Variants in DPF1 observed in about 807,000 individuals in gnomAD.
The protein encoded by DPF1 is double PHD fingers 1.
Under a neutral mutation model 58.7 loss-of-function variants are expected in DPF1, and 14 were observed. The ratio of observed to expected loss-of-function variants is 0.24; its 90% CI spans 0.16 to 0.37. The LOEUF is 0.37. Among genes scored for constraint, DPF1 ranks in the 10% least tolerant of loss-of-function variants. The pLI, the probability that DPF1 is intolerant of heterozygous loss-of-function variation, is 1.00. For synonymous variants in DPF1, 216 were observed against 216.0 expected (o/e 1.00, Z 0.00); for missense variants, 345 against 529.9 (o/e 0.65, Z 3.43).
At chr19:38,225,268 G>T (rs1384769147), upstream of DPF1, among the ~76,000 whole-genome samples, 1 of 134,650 alleles carries the variant, frequency 7.4e-6, no homozygotes, top group African/African-American at 3.2e-5. Context: ...TAAATAATAA[G>T]AAAGAAAGAA....
rs1252605188 is a variant in DPF1, at chr19:38,224,184, C to T, written c.-42G>A. The T allele has an allele frequency of 7.0e-7, 1 of 1,423,912 alleles. No homozygotes were observed. 88.2% of individuals were successfully genotyped at this position (1,423,912 alleles called of 1,614,324 possible). Reference sequence around the variant, plus strand: ...TGCCCCCAGCAGGTCCCCGCCGGGTCGGTCCTCCCAGCGGTCGGGCGGGCG... The same window carrying T: ...TGCCCCCAGCAGGTCCCCGCCGGGTTGGTCCTCCCAGCGGTCGGGCGGGCG... On this transcript the variant is annotated 5_prime_UTR_variant, in exon 1 of 12. Transcript: ENST00000355526. The surrounding 1 kb of genome is among the most constrained non-coding windows in gnomAD (Gnocchi z 4.5).
upstream of DPF1, chr19:38,224,363 AG>A (rs1289618079): frequency 8.7e-7 from 1 of 1,145,126 alleles, no homozygotes; most frequent in East Asian, 3.2e-5. This position sits in a 1 kb window ranked among gnomAD's most constrained non-coding sequence, Gnocchi z 4.5. Flanking sequence ...GGCGCGGAGG[AG>A]GGGCCCGGGG....
At chr19:38,213,929 TC>T in intron 9 of DPF1, 173 bp from the exon 10 acceptor site, 5 of 577,140 alleles carry the variant, frequency 8.7e-6, no homozygotes, top group South Asian at 8.6e-5. Context: ...CCGGCAGCAG[TC>T]CCCCGGCCAC....
upstream of DPF1, among the ~76,000 whole-genome samples, chr19:38,226,327 T>G (rs1016978907): frequency 1.4e-5 from 2 of 142,520 alleles, no homozygotes; most frequent in Non-Finnish European, 3.0e-5. Context: ...CGGACCCCTG[T>G]AGAGCCAGCA....
chr19:38,228,640 G>C (rs1967927894), upstream of DPF1: 1 of 152,118 alleles, frequency 6.6e-6, no homozygotes, highest in Non-Finnish European at 1.5e-5. Flanking sequence ...GCCTGGGAAC[G>C]GGGGGTGGGG....
In DPF1 at chr19:38,222,267, C is replaced by A; in HGVS notation, c.298+90G>T. 8.6e-7 allele frequency: 1 copy of A among 1,169,144 alleles called. No individual in the cohort carries two copies. Among genetic ancestry groups the A allele is most frequent in the Non-Finnish European group, 1.2e-6 (1 of 822,236 alleles). The allele number at this position is 1,169,144 out of a possible 1,614,324, so 72.4% of individuals were successfully genotyped here. ...AGACACACAGCCAGCCAGGCAGACA[C>A]TTGCTAGAAGGCGATAAAGGTGATG... On this transcript the variant is annotated intron_variant, in intron 3 of 11. Transcript: ENST00000355526. This position sits in a 1 kb window ranked among gnomAD's most constrained non-coding sequence, Gnocchi z 4.9.
In DPF1 at chr19:38,213,758, TG is replaced by T; in HGVS notation, c.899-3del. ...TGAATTGTAAACACGAGGGGTGTCC[TG>T]GGGGCCAAGGGGCAGGGGTGCAGTT... On this transcript the variant is annotated splice_polypyrimidine_tract_variant and splice_region_variant and intron_variant, in intron 9 of 11. Coordinates refer to ENST00000355526, the MANE Select transcript of DPF1 (RefSeq NM_001135155.3). The T allele has an allele frequency of 6.2e-7, 1 of 1,612,378 alleles. No homozygotes were observed. Among genetic ancestry groups the T allele is most frequent in the Non-Finnish European group, 8.5e-7 (1 of 1,179,000 alleles).
Position 38,217,882 on chromosome 19 carries a change from G to T in DPF1, c.517-6C>A. On this transcript the variant is annotated splice_region_variant and splice_polypyrimidine_tract_variant and intron_variant, in intron 5 of 11. Transcript: ENST00000355526. ...AGACCCCCGATGCCATATGCCTGTG[G>T]GGAGAGTCAGGAGTGAGGGGCCAAG... The T allele has an allele frequency of 6.2e-7, 1 of 1,614,038 alleles. No individual in the cohort carries two copies. Among genetic ancestry groups the T allele is most frequent in the Non-Finnish European group, 8.5e-7 (1 of 1,179,984 alleles).
chr19:38,221,383 C>A (rs1224833126), intron 3 of DPF1, among the ~76,000 whole-genome samples: 1 of 151,724 alleles, frequency 6.6e-6, no homozygotes. Context: ...ACTAAAAATA[C>A]AAAAAAATTA....
chr19:38,221,730 C>T (rs974035032), intron 3 of DPF1, among the ~76,000 whole-genome samples: 9 of 151,846 alleles, frequency 5.9e-5, no homozygotes, highest in African/African-American at 1.9e-4. Flanking sequence ...CAGGAGGATC[C>T]CTTGAGCTCA....
chr19:38,225,545 G>C (rs1024874542), upstream of DPF1, among the ~76,000 whole-genome samples: 8 of 151,876 alleles, frequency 5.3e-5, no homozygotes, highest in Non-Finnish European at 1.0e-4. Context: ...CTCCAGCCTG[G>C]GTGGCAGAGC....
Position 38,213,751 on chromosome 19 carries a change from G to T in DPF1, c.904C>A (p.Pro302Thr). The T allele has an allele frequency of 6.2e-7, 1 of 1,613,482 alleles. No homozygotes were observed. The highest frequency in any genetic ancestry group is 8.5e-7 in the Non-Finnish European group (1 of 1,179,596). ...SCADCGRSGH[P>T]SCLQFTVNMT... ...TTCACCGTGAATTGTAAACACGAGG[G>T]GTGTCCTGGGGGCCAAGGGGCAGGG... Residue 302 changes from proline (P) to threonine (T), a missense_variant, in exon 10 of 12, where the codon CCC becomes ACC. By Grantham distance (38) the Pro-to-Thr change is conservative. Transcript: ENST00000355526.
chr19:38,219,160 G>C, intron 3 of DPF1, 102 bp from the exon 4 acceptor site: 1 of 1,506,472 alleles, frequency 6.6e-7, no homozygotes, highest in Non-Finnish European at 9.0e-7. Flanking sequence ...GAGGGAAGAG[G>C]CTGCAGAGGC....
Position 38,211,358 on chromosome 19 carries a change from C to G in DPF1, c.*705G>C, listed in dbSNP as rs1282492218. ...GGCGCTGGGCGGGGGCCCACCCGGC[C>G]CCACCACCGCCACCCACCAGCCACG... On this transcript the variant is annotated 3_prime_UTR_variant, in exon 12 of 12. Transcript: ENST00000355526. This position sits in a 1 kb window ranked among gnomAD's most constrained non-coding sequence, Gnocchi z 4.0. 6.6e-6 allele frequency: 1 copy of G among 152,338 alleles called. No individual in the cohort carries two copies. Among genetic ancestry groups the G allele is most frequent in the Non-Finnish European group, 1.5e-5 (1 of 68,178 alleles). The allele number at this position is 152,338 out of a possible 1,614,324, so 9.4% of individuals were successfully genotyped here.
At position 38,211,495 on chromosome 19, in the gene DPF1, G is replaced by C. The variant is rs1364047036; in HGVS notation, c.*568C>G. 1.3e-5 allele frequency: 2 copies of C among 152,610 alleles called. No individual in the cohort carries two copies. The highest frequency in any genetic ancestry group is 1.3e-4 in the Admixed American group (2 of 15,326). The allele number at this position is 152,610 out of a possible 1,614,324, so 9.5% of individuals were successfully genotyped here. On this transcript the variant is annotated 3_prime_UTR_variant, in exon 12 of 12. Coordinates refer to ENST00000355526, the MANE Select transcript of DPF1 (RefSeq NM_001135155.3). The surrounding 1 kb of genome is among the most constrained non-coding windows in gnomAD (Gnocchi z 4.0). ...CCGTGGGCACCAGGAGGGGCGGGTG[G>C]ACACCACGCCCACCGCCCTGGGCAC...
chr19:38,211,997 GA>G lies in DPF1; in HGVS notation c.*65del, dbSNP rs1973460622. On this transcript the variant is annotated 3_prime_UTR_variant, in exon 12 of 12. Transcript: ENST00000355526. This position sits in a 1 kb window ranked among gnomAD's most constrained non-coding sequence, Gnocchi z 4.0. ...CCTGCGGGATGTTCAGGGTGGGGGA[GA>G]ATTGAGGAGCTCGGAGAGGCAGGTA... The G allele has an allele frequency of 6.4e-6, 10 of 1,553,994 alleles. No individual in the cohort carries two copies. In the Admixed American group the frequency reaches 1.9e-4, roughly 29 times the overall value.
rs1239121266 is a variant in DPF1, at chr19:38,229,229, C to G, written c.-132+330G>C. Reference sequence around the variant, plus strand: ...AGCCCCGGCCGGGGCAGGCCCGGCACCTCCGGAGACCCTGAGGGAGAGATG... The same window carrying G: ...AGCCCCGGCCGGGGCAGGCCCGGCAGCTCCGGAGACCCTGAGGGAGAGATG... On this transcript the variant is annotated intron_variant, in intron 1 of 11. Coordinates refer to the DPF1 transcript ENST00000412732. This position sits in a 1 kb window ranked among gnomAD's most constrained non-coding sequence, Gnocchi z 5.3. 6.6e-6 allele frequency among the ~76,000 whole-genome samples: 1 copy of G among 152,080 alleles called. No homozygotes were observed. The highest frequency in any genetic ancestry group is 6.5e-5 in the Admixed American group (1 of 15,284).
intron 3 of DPF1, among the ~76,000 whole-genome samples, chr19:38,221,957 T>C (rs1967508726): frequency 6.6e-6 from 1 of 152,070 alleles, no homozygotes; most frequent in South Asian, 2.1e-4. Flanking sequence ...GGCGCATGCC[T>C]GTAATCCCAG....
chr19:38,212,319 TGTG>T lies in DPF1; in HGVS notation c.1051_1053del (p.His351del). On this transcript the variant is annotated inframe_deletion, in exon 11 of 12. Transcript: ENST00000355526. Reference sequence around the variant, plus strand: ...GCCATGGGGGGACTCAGGCAGTACATGTGGTAACCCCGATCGCAGTCATCACAA... The same window carrying T: ...GCCATGGGGGGACTCAGGCAGTACATGTAACCCCGATCGCAGTCATCACAA... The T allele has an allele frequency of 1.4e-6, 2 of 1,440,852 alleles. No individual in the cohort carries two copies. Among genetic ancestry groups the T allele is most frequent in the Non-Finnish European group, 1.8e-6 (2 of 1,095,510 alleles). 89.3% of individuals were successfully genotyped at this position (1,440,852 alleles called of 1,614,324 possible).
Sources: allele counts gnomAD v4.1 joint callset (sites outside exome capture counted in the v4.1 genomes callset), GRCh38; gene constraint gnomAD v4.1.1; non-coding constraint Gnocchi (gnomAD v3.1); transcripts MANE v1.5; gene names NCBI Gene and HGNC (gene_info 2026-07-23, HGNC 2026-07-21).